Variants in PCBP4 observed in about 807,000 individuals in gnomAD.
PCBP4 encodes the protein poly(rC) binding protein 4, also known as poly(rC)-binding protein 4.
Under a neutral mutation model 46.2 loss-of-function variants are expected in PCBP4, and 24 were observed. The ratio of observed to expected loss-of-function variants is 0.52; its 90% CI spans 0.38 to 0.73. The LOEUF (loss-of-function observed/expected upper bound fraction) is 0.73, where lower values mean the gene tolerates loss of function less well. Among genes scored for constraint, PCBP4 ranks in the 30% least tolerant of loss-of-function variants. The pLI is 0.00. For synonymous variants in PCBP4, 203 were observed against 224.4 expected (o/e 0.90, Z 0.85); for missense variants, 407 against 537.0 (o/e 0.76, Z 2.39).
intron 1 of PCBP4, among the ~76,000 whole-genome samples, chr3:51,962,478 T>C (rs1301085591): frequency 6.6e-6 from 1 of 152,032 alleles, no homozygotes; most frequent in East Asian, 1.9e-4. Flanking sequence ...CAGAACCCTA[T>C]GGGGAAAACA....
At position 51,958,261 on chromosome 3, in the gene PCBP4, G is replaced by A; in HGVS notation, c.1012C>T (p.Leu338=). The stretch of plus-strand genomic sequence containing the variant: ...AGCAGGCCAGGGGGAGCTGTGGGCA[G>A]GGCCGTCAGGGGTGGCGAGAAGGGG... ...PAPFSPPLTA[L]PTAPPGLLGT... Residue 338 remains leucine (L), a synonymous_variant, in exon 14 of 14, where the codon CTG becomes TTG. Transcript: ENST00000461554. The surrounding 1 kb of genome is among the most constrained non-coding windows in gnomAD (Gnocchi z 5.4). 12 of 1,588,586 alleles carry A rather than the reference G, an allele frequency of 7.6e-6. No homozygotes were observed. Among genetic ancestry groups the A allele is most frequent in the Non-Finnish European group, 1.0e-5 (12 of 1,168,758 alleles).
At position 51,958,918 on chromosome 3, in the gene PCBP4, G is replaced by A. The variant is rs532980436; in HGVS notation, c.795C>T (p.Ser265=). 2.2e-5 allele frequency: 35 copies of A among 1,613,924 alleles called. No homozygotes were observed. The highest frequency in any genetic ancestry group is 1.6e-4 in the East Asian group (7 of 44,870). Residue 265 remains serine, a synonymous_variant, in exon 13 of 14, where the codon AGC becomes AGT. Transcript: ENST00000461554. This position sits in a 1 kb window ranked among gnomAD's most constrained non-coding sequence, Gnocchi z 5.4. ...GTGCCCCTGACATCTGCCGGATCTC[G>A]CTGATCTTGCTGCCCTGGCGCCCGA... The part of the protein sequence containing the change: ...CVIGRQGSKI[S]EIRQMSGAHI...
rs374565687 is a variant in PCBP4, at chr3:51,960,960, G to C, written c.105+50C>G. On this transcript the variant is annotated intron_variant, in intron 4 of 13. Transcript: ENST00000461554. The surrounding 1 kb of genome is among the most constrained non-coding windows in gnomAD (Gnocchi z 5.0). ...TAGAGGTCACAGCCTCCTTCCCTGG[G>C]CTGAAGCCTCAGCTGGAGGGGGATG... 3.7e-6 allele frequency: 6 copies of C among 1,613,976 alleles called. No homozygotes were observed. The highest frequency in any genetic ancestry group is 1.7e-5 in the Admixed American group (1 of 60,012).
Position 51,960,084 on chromosome 3 carries a change from A to G in PCBP4, c.388-61T>C, listed in dbSNP as rs1288814906. The stretch of plus-strand genomic sequence containing the variant: ...CCCATAACCCAGAAAAGGGCTGCCC[A>G]GGCTCAGAGCTCTCTAGGTGGGGAG... On this transcript the variant is annotated intron_variant, in intron 7 of 13. Coordinates refer to ENST00000461554, the MANE Select transcript of PCBP4 (RefSeq NM_001174100.2). This position sits in a 1 kb window ranked among gnomAD's most constrained non-coding sequence, Gnocchi z 5.0. The G allele has an allele frequency of 1.2e-6, 2 of 1,614,166 alleles. No homozygotes were observed.
In PCBP4 at chr3:51,959,306, G is replaced by T. The variant is rs1332484887; in HGVS notation, c.637-14C>A. ...GAGCTTGGTGACCTGTGCCAAAGAG[G>T]GGTCAGAGGTCAGAGGAGGCATGGT... On this transcript the variant is annotated splice_polypyrimidine_tract_variant and intron_variant, in intron 10 of 13. Coordinates refer to ENST00000461554, the MANE Select transcript of PCBP4 (RefSeq NM_001174100.2). The surrounding 1 kb of genome is among the most constrained non-coding windows in gnomAD (Gnocchi z 5.6). The T allele has an allele frequency of 1.2e-6, 2 of 1,613,830 alleles. No homozygotes were observed. The highest frequency in any genetic ancestry group is 2.7e-5 in the African/African-American group (2 of 74,904).
At position 51,958,219 on chromosome 3, in the gene PCBP4, T is replaced by C; in HGVS notation, c.1054A>G (p.Ile352Val). Residue 352 changes from isoleucine to valine, a missense_variant, in exon 14 of 14, where the codon ATC (isoleucine) becomes GTC (valine). Physicochemically the swap from Ile to Val is conservative, Grantham distance 29 (BLOSUM62 3). Coordinates refer to ENST00000461554, the MANE Select transcript of PCBP4 (RefSeq NM_001174100.2). This position sits in a 1 kb window ranked among gnomAD's most constrained non-coding sequence, Gnocchi z 5.4. ...PPGLLGTPYAISLSNFIGLKP... is the reference protein window; with the variant it reads ...PPGLLGTPYAVSLSNFIGLKP... ...AGGCCGATGAAGTTGGAGAGGGAGA[T>C]GGCATAGGGTGTGCCCAGCAGGCCA... is the stretch of plus-strand genomic sequence containing the variant. 6.2e-7 allele frequency: 1 copy of C among 1,611,852 alleles called. No homozygotes were observed. Among genetic ancestry groups the C allele is most frequent in the Non-Finnish European group, 8.5e-7 (1 of 1,178,988 alleles).
Position 51,961,275 on chromosome 3 carries a change from G to A in PCBP4, c.-35C>T, listed in dbSNP as rs372795970. Reference sequence around the variant, plus strand: ...CGAGGCTGGGGCCACAGCGACCTGCGAGTGTGTCCGCGCTGCAACCTGGCC... The same window carrying A: ...CGAGGCTGGGGCCACAGCGACCTGCAAGTGTGTCCGCGCTGCAACCTGGCC... On this transcript the variant is annotated 5_prime_UTR_variant, in exon 3 of 14. Coordinates refer to ENST00000461554, the MANE Select transcript of PCBP4 (RefSeq NM_001174100.2). The A allele has an allele frequency of 1.3e-4, 216 of 1,601,896 alleles. No individual in the cohort carries two copies. Among genetic ancestry groups the A allele is most frequent in the East Asian group, 2.2e-4 (10 of 44,560 alleles).
Position 51,958,655 on chromosome 3 carries a change from T to C in PCBP4, c.923+135A>G, listed in dbSNP as rs950678534. On this transcript the variant is annotated intron_variant, in intron 13 of 13. Transcript: ENST00000461554. The surrounding 1 kb of genome is among the most constrained non-coding windows in gnomAD (Gnocchi z 5.4). The stretch of plus-strand genomic sequence containing the variant: ...TGAATTAGGCAAAGACCATGGGGAA[T>C]TGGAGTAGGGTTAGGAGAGGCAGAG... The C allele has an allele frequency of 3.1e-6, 3 of 952,430 alleles. No homozygotes were observed. In the African/African-American group the frequency reaches 5.0e-5, roughly 16 times the overall value. The allele number at this position is 952,430 out of a possible 1,614,324, so 59.0% of individuals were successfully genotyped here.
At position 51,958,276 on chromosome 3, in the gene PCBP4, G is replaced by C. The variant is rs1699923205; in HGVS notation, c.997C>G (p.Pro333Ala). 1.3e-6 allele frequency: 2 copies of C among 1,578,486 alleles called. No individual in the cohort carries two copies. The highest frequency in any genetic ancestry group is 2.7e-5 in the African/African-American group (2 of 73,468). Reference sequence around the variant, plus strand: ...GCTGTGGGCAGGGCCGTCAGGGGTGGCGAGAAGGGGGCAGGCAGGTCTGCG... The same window carrying C: ...GCTGTGGGCAGGGCCGTCAGGGGTGCCGAGAAGGGGGCAGGCAGGTCTGCG... Reference protein sequence around the residue: ...APADLPAPFSPPLTALPTAPP... With the variant: ...APADLPAPFSAPLTALPTAPP... The change falls in exon 14 of 14, where the codon CCA becomes GCA. Residue 333 changes from proline (P) to alanine (A), a missense_variant. Pro to Ala is a conservative substitution (Grantham distance 27). Coordinates refer to ENST00000461554, the MANE Select transcript of PCBP4 (RefSeq NM_001174100.2). This position sits in a 1 kb window ranked among gnomAD's most constrained non-coding sequence, Gnocchi z 5.4.
intron 1 of PCBP4, among the ~76,000 whole-genome samples, chr3:51,964,067 C>A (rs1007632593): frequency 1.6e-4 from 24 of 152,200 alleles, no homozygotes; most frequent in Non-Finnish European, 7.4e-5. Context: ...CAGCAGGGCT[C>A]CCTGGCAGGG....
At position 51,958,081 on chromosome 3, in the gene PCBP4, GC is replaced by G; in HGVS notation, c.1191del (p.Gln398ArgfsTer10). 1 of 1,555,280 alleles carries G rather than the reference GC, an allele frequency of 6.4e-7. No homozygotes were observed. Among genetic ancestry groups the G allele is most frequent in the Non-Finnish European group, 8.7e-7 (1 of 1,152,810 alleles). On this transcript the variant is annotated frameshift_variant, in exon 14 of 14. Transcript: ENST00000461554. LOFTEE classifies it high-confidence loss of function. The surrounding 1 kb of genome is among the most constrained non-coding windows in gnomAD (Gnocchi z 5.4). Reference sequence around the variant, plus strand: ...TGGCCTCAGTAGGGGGAGAATTTCTGCCGCTCAGCCTTCTTGCTCCCATTAG... The same window carrying G: ...TGGCCTCAGTAGGGGGAGAATTTCTGCGCTCAGCCTTCTTGCTCCCATTAG... The part of the protein sequence containing the change: ...AAANGSKKAE[R>X]QKFSPY
chr3:51,966,337 G>C (rs1700421005), intron 1 of PCBP4, among the ~76,000 whole-genome samples: 1 of 152,138 alleles, frequency 6.6e-6, no homozygotes, highest in Non-Finnish European at 1.5e-5. Flanking sequence ...GCTGATGAAG[G>C]CTAGGGGGTG....
At chr3:51,962,183 T>G (rs1700212729) in intron 1 of PCBP4, 95 bp from the exon 2 acceptor site, 1 of 152,036 alleles carries the variant, frequency 6.6e-6, no homozygotes, top group African/African-American at 2.4e-5. Context: ...GGGCTCTGAG[T>G]CTCAATTTCC....
rs2535651 is a variant in PCBP4, at chr3:51,959,863, C to T, written c.516+32G>A. ...ACAAGGCAGACCCAGGGCCCATCTC[C>T]TGCCCCCTCTCTCCCTGCCCCAGGG... On this transcript the variant is annotated intron_variant, in intron 8 of 13. Transcript: ENST00000461554. This position sits in a 1 kb window ranked among gnomAD's most constrained non-coding sequence, Gnocchi z 5.6. 1 of 1,562,892 alleles carries T rather than the reference C, an allele frequency of 6.4e-7. No individual in the cohort carries two copies. Among genetic ancestry groups the T allele is most frequent in the Non-Finnish European group, 8.7e-7 (1 of 1,154,716 alleles).
chr3:51,964,352 T>C (rs564114470), intron 1 of PCBP4, among the ~76,000 whole-genome samples: 1 of 152,336 alleles, frequency 6.6e-6, no homozygotes. Context: ...CCTGCCTTTG[T>C]TCTGGAGCAA....
rs746950805 is a variant in PCBP4, at chr3:51,959,099, C to A, written c.701G>T (p.Gly234Val). Reference sequence around the variant, plus strand: ...GCTGGTCTGTGTGCCGGGATCCAGTCCTGAGGGGGAGAAGAGGGACTGAGT... The same window carrying A: ...GCTGGTCTGTGTGCCGGGATCCAGTACTGAGGGGGAGAAGAGGGACTGAGT... ...VPFATPSVVP[G>V]LDPGTQTSSQ... is the part of the protein sequence containing the mutation. Residue 234 changes from glycine to valine, a missense_variant and splice_region_variant, in exon 12 of 14, where the codon GGA (glycine) becomes GTA (valine). Coordinates refer to ENST00000461554, the MANE Select transcript of PCBP4 (RefSeq NM_001174100.2). This position sits in a 1 kb window ranked among gnomAD's most constrained non-coding sequence, Gnocchi z 5.6. The A allele has an allele frequency of 6.2e-7, 1 of 1,613,868 alleles. No individual in the cohort carries two copies. The highest frequency in any genetic ancestry group is 1.1e-5 in the South Asian group (1 of 91,060).
Position 51,958,936 on chromosome 3 carries a change from GC to G in PCBP4, c.776del (p.Arg259ProfsTer51). On this transcript the variant is annotated frameshift_variant, in exon 13 of 14. Transcript: ENST00000461554. LOFTEE classifies it high-confidence loss of function. This position sits in a 1 kb window ranked among gnomAD's most constrained non-coding sequence, Gnocchi z 5.4. ...GGATCTCGCTGATCTTGCTGCCCTGGCGCCCGATCACACAGCCAATCAACTA... is the reference window on the plus strand; with the variant it reads ...GGATCTCGCTGATCTTGCTGCCCTGGGCCCGATCACACAGCCAATCAACTA... ...PNDLIGCVIG[R>X]QGSKISEIRQ... 6.2e-7 allele frequency: 1 copy of G among 1,613,924 alleles called. No homozygotes were observed. The highest frequency in any genetic ancestry group is 8.5e-7 in the Non-Finnish European group (1 of 1,179,926).
chr3:51,960,554 A>T lies in PCBP4; in HGVS notation c.227T>A (p.Val76Asp). 6.2e-7 allele frequency: 1 copy of T among 1,613,852 alleles called. No individual in the cohort carries two copies. Among genetic ancestry groups the T allele is most frequent in the East Asian group, 2.2e-5 (1 of 44,896 alleles). The change falls in exon 6 of 14, where the codon GTC becomes GAC. Residue 76 changes from valine to aspartate, a missense_variant. Transcript: ENST00000461554. The surrounding 1 kb of genome is among the most constrained non-coding windows in gnomAD (Gnocchi z 5.0). ...TGSTAAVFHAVSMIAFKLDED... is the reference protein window; with the variant it reads ...TGSTAAVFHADSMIAFKLDED... ...ATCCAGTTTGAAAGCAATCATGGAGACTGCATGGAAGACAGCTGCTGTAGA... is the reference window on the plus strand; with the variant it reads ...ATCCAGTTTGAAAGCAATCATGGAGTCTGCATGGAAGACAGCTGCTGTAGA...
At position 51,958,009 on chromosome 3, in the gene PCBP4, G is replaced by T; in HGVS notation, c.*52C>A. ...TCTCCTTGGGCGGGTAGGGTGCAGAGGCAGCCCCCTGCTGGTGGTCCTGCC... is the reference window on the plus strand; with the variant it reads ...TCTCCTTGGGCGGGTAGGGTGCAGATGCAGCCCCCTGCTGGTGGTCCTGCC... On this transcript the variant is annotated 3_prime_UTR_variant, in exon 14 of 14. Transcript: ENST00000461554. This position sits in a 1 kb window ranked among gnomAD's most constrained non-coding sequence, Gnocchi z 5.4. 6.7e-7 allele frequency: 1 copy of T among 1,486,914 alleles called. No homozygotes were observed. Among genetic ancestry groups the T allele is most frequent in the Non-Finnish European group, 9.0e-7 (1 of 1,112,606 alleles). The allele number at this position is 1,486,914 out of a possible 1,614,324, so 92.1% of individuals were successfully genotyped here. A position where few individuals can be genotyped will look rare whatever the true frequency, so the allele number is the denominator to read the frequency against.
Sources: gnomAD v4.1 joint callset for allele counts (sites outside exome capture counted in the v4.1 genomes callset) on GRCh38, gnomAD v4.1.1 for gene constraint, Gnocchi (gnomAD v3.1) non-coding constraint, MANE v1.5 for transcripts, NCBI Gene and HGNC (gene_info 2026-07-23, HGNC 2026-07-21) for gene names.